SCAI: variants seen among roughly 807,000 people sequenced by gnomAD.
SCAI encodes suppressor of cancer cell invasion, also known as protein SCAI.
In SCAI, 24 loss-of-function variants were observed where a neutral mutation model predicts 92.2. The ratio of observed to expected loss-of-function variants is 0.26; its 90% CI spans 0.19 to 0.37. The LOEUF (loss-of-function observed/expected upper bound fraction) is 0.37. Among genes scored for constraint, SCAI ranks in the 10% least tolerant of loss-of-function variants. The probability of loss-of-function intolerance (pLI) is 1.00; values close to 1 mark genes in which losing one functional copy is unlikely to be tolerated. For missense variants in SCAI, 450 were observed against 736.2 expected (o/e 0.61, Z 4.50); for synonymous variants, 261 against 258.6 (o/e 1.01, Z -0.09).
intron 2 of SCAI, among the ~76,000 whole-genome samples, chr9:125,102,889 C>G (rs947135444): frequency 1.3e-5 from 2 of 152,130 alleles, no homozygotes; most frequent in African/African-American, 4.8e-5. Context: ...TGAGGCACCG[C>G]GCCCAGCCCT....
At chr9:125,067,774 C>T (rs939587590) in intron 2 of SCAI, among the ~76,000 whole-genome samples, 5 of 152,186 alleles carry the variant, frequency 3.3e-5, no homozygotes, top group African/African-American at 9.7e-5. Flanking sequence ...TACATAGATA[C>T]ATAATACATC....
chr9:125,120,162 T>C (rs971838604), intron 2 of SCAI, among the ~76,000 whole-genome samples: 2 of 152,206 alleles, frequency 1.3e-5, no homozygotes, highest in African/African-American at 2.4e-5. Context: ...TGAACGATAC[T>C]GCTGTAGACA....
intron 9 of SCAI, among the ~76,000 whole-genome samples, chr9:125,017,973 C>T (rs73577825): frequency 6.6e-6 from 1 of 151,684 alleles, no homozygotes; most frequent in East Asian, 1.9e-4. Flanking sequence ...CATGACACTG[C>T]ACTCCCACCT....
At chr9:125,061,248 G>A (rs1833763143) in intron 2 of SCAI, among the ~76,000 whole-genome samples, 2 of 152,054 alleles carry the variant, frequency 1.3e-5, no homozygotes, top group Admixed American at 1.3e-4. Context: ...AATGAGCAGA[G>A]ATCGCGCGAC....
chr9:124,967,196 A>G (rs1831558932), intron 17 of SCAI, among the ~76,000 whole-genome samples: 2 of 152,202 alleles, frequency 1.3e-5, no homozygotes, highest in South Asian at 2.1e-4. Flanking sequence ...CATGAATTCA[A>G]CTGAAATCCT....
At chr9:124,954,010 A>G (rs1831274963) in intron 17 of SCAI, among the ~76,000 whole-genome samples, 1 of 152,144 alleles carries the variant, frequency 6.6e-6, no homozygotes, top group Admixed American at 6.5e-5. Context: ...AACCATGCGC[A>G]GCTAATTTTG....
intron 3 of SCAI, among the ~76,000 whole-genome samples, chr9:125,041,496 C>CTTACTTGAAA (rs1335903283): frequency 6.6e-6 from 1 of 152,184 alleles, no homozygotes; most frequent in African/African-American, 2.4e-5. Flanking sequence ...TAAGCACTTG[C>CTTACTTGAAA]CTGCAAGTTC....
At chr9:125,000,217 A>T (rs2131629589) in intron 12 of SCAI, among the ~76,000 whole-genome samples, 1 of 152,350 alleles carries the variant, frequency 6.6e-6, no homozygotes, top group South Asian at 2.1e-4. Context: ...GCAGTTCTTC[A>T]AACAGAATAT....
At chr9:125,089,754 GAATGTA>G (rs1165059203) in intron 2 of SCAI, among the ~76,000 whole-genome samples, 2 of 152,052 alleles carry the variant, frequency 1.3e-5, no homozygotes, top group East Asian at 3.9e-4. Context: ...ACCCAGGCTG[GAATGTA>G]GTGGCACAAT....
At chr9:125,104,197 G>C (rs905106353) in intron 2 of SCAI, among the ~76,000 whole-genome samples, 1 of 152,192 alleles carries the variant, frequency 6.6e-6, no homozygotes, top group African/African-American at 2.4e-5. Flanking sequence ...AATCATTCCA[G>C]TCCAAATTAC....
In SCAI at chr9:124,945,713, T is replaced by C. The variant is rs1831135395; in HGVS notation, c.*7094A>G. On this transcript the variant is annotated 3_prime_UTR_variant, in exon 18 of 18. Coordinates refer to ENST00000336505, the MANE Select transcript of SCAI (RefSeq NM_001144877.3). ...ATCACCCTACATCATCCTGACACCCTTCCCGTCAATAGGTGATTGATTCCA... is the reference window on the plus strand; with the variant it reads ...ATCACCCTACATCATCCTGACACCCCTCCCGTCAATAGGTGATTGATTCCA... 1 of 152,234 alleles carries C rather than the reference T, an allele frequency of 6.6e-6. No homozygotes were observed. The highest frequency in any genetic ancestry group is 1.5e-5 in the Non-Finnish European group (1 of 68,040). 9.4% of individuals were successfully genotyped at this position (152,234 alleles called of 1,614,324 possible). A position where few individuals can be genotyped will look rare whatever the true frequency, so the allele number is the denominator to read the frequency against.
At chr9:125,101,014 C>T (rs759349101) in intron 2 of SCAI, among the ~76,000 whole-genome samples, 1 of 152,032 alleles carries the variant, frequency 6.6e-6, no homozygotes, top group Non-Finnish European at 1.5e-5. Flanking sequence ...TGCTTGAGTC[C>T]AGGAGTTTGA....
intron 13 of SCAI, among the ~76,000 whole-genome samples, chr9:124,995,843 T>C (rs903786560): frequency 1.3e-5 from 2 of 152,110 alleles, no homozygotes; most frequent in Admixed American, 1.3e-4. Context: ...TTGTTAAACA[T>C]GCAGTTTGAC....
At chr9:124,976,890 T>C (rs1272971542) in intron 14 of SCAI, among the ~76,000 whole-genome samples, 2 of 152,144 alleles carry the variant, frequency 1.3e-5, no homozygotes, top group Non-Finnish European at 2.9e-5. Context: ...CTTTTTTTTT[T>C]TGAGTCGTGC....
At chr9:124,982,668 C>T (rs546437484) in intron 14 of SCAI, among the ~76,000 whole-genome samples, 5 of 124,504 alleles carry the variant, frequency 4.0e-5, no homozygotes, top group South Asian at 2.7e-4. Context: ...CAACAGAGTG[C>T]GACTCTGTCT....
Position 124,946,186 on chromosome 9 carries a change from T to TCCA in SCAI, c.*6620_*6621insTGG, listed in dbSNP as rs1564352036. 7.9e-5 allele frequency: 12 copies of TCCA among 152,172 alleles called. No homozygotes were observed. The highest frequency in any genetic ancestry group is 2.2e-4 in the African/African-American group (9 of 41,440). The allele number at this position is 152,172 out of a possible 1,614,324, so 9.4% of individuals were successfully genotyped here. A position where few individuals can be genotyped will look rare whatever the true frequency, so the allele number is the denominator to read the frequency against. On this transcript the variant is annotated 3_prime_UTR_variant, in exon 18 of 18. Coordinates refer to ENST00000336505, the MANE Select transcript of SCAI (RefSeq NM_001144877.3). This position sits in a 1 kb window ranked among gnomAD's most constrained non-coding sequence, Gnocchi z 4.0. ...CTACTCTCCAGTGCAAAAACAATGA[T>TCCA]TTGGTTATTCAAACAACAAACCATC...
At position 125,133,821 on chromosome 9, in the gene SCAI, G is replaced by A. The variant is rs189646513; in HGVS notation, c.98+8812C>T. ...GGCTAGGATTCAAACTCTAATGCAA[G>A]ATTTCTCAGCCTCAGAACTAATGAC... On this transcript the variant is annotated intron_variant, in intron 2 of 17. Coordinates refer to ENST00000336505, the MANE Select transcript of SCAI (RefSeq NM_001144877.3). Among the ~76,000 whole-genome samples, 336 of 152,302 alleles carry A rather than the reference G, an allele frequency of 2.2e-3. 3 individuals are homozygous for A. The highest frequency in any genetic ancestry group is 7.7e-3 in the African/African-American group (321 of 41,570).
intron 7 of SCAI, 152 bp downstream of exon 7, chr9:125,020,521 T>C: frequency 2.2e-6 from 1 of 444,526 alleles, no homozygotes. Flanking sequence ...TGGAAAATTT[T>C]TTTATCATTA....
At chr9:124,995,711 G>A (rs930872207) in intron 13 of SCAI, among the ~76,000 whole-genome samples, 3 of 151,976 alleles carry the variant, frequency 2.0e-5, no homozygotes, top group Admixed American at 6.6e-5. Flanking sequence ...GGCTGGTCTC[G>A]AACTCCTGAG....
Sources: allele counts gnomAD v4.1 joint callset (sites outside exome capture counted in the v4.1 genomes callset), GRCh38; gene constraint gnomAD v4.1.1; non-coding constraint Gnocchi (gnomAD v3.1); transcripts MANE v1.5; gene names NCBI Gene and HGNC (gene_info 2026-07-23, HGNC 2026-07-21).